Variants in CAMK4 observed in about 807,000 individuals in gnomAD.
CAMK4 encodes the protein calcium/calmodulin-dependent protein kinase type IV.
Under a neutral mutation model 44.9 loss-of-function variants are expected in CAMK4, and 22 were observed. The ratio of observed to expected loss-of-function variants is 0.49; its 90% CI spans 0.35 to 0.70. The LOEUF (loss-of-function observed/expected upper bound fraction) is 0.70, where lower values mean the gene tolerates loss of function less well. Ranked by LOEUF, CAMK4 falls within the 30% of genes least tolerant of loss-of-function variation. The pLI is 0.01. For missense variants in CAMK4, 498 were observed against 586.8 expected (o/e 0.85, Z 1.56); for synonymous variants, 218 against 215.4 (o/e 1.01, Z -0.11).
chr5:111,358,037 G>T (rs1046979485), intron 2 of CAMK4: 28 of 152,034 alleles, frequency 1.8e-4, no homozygotes, highest in African/African-American at 6.5e-4. Context: ...CCAGATTTGG[G>T]ACTAAAACTA....
chr5:111,258,710 A>T (rs1400481403), intron 1 of CAMK4, among the ~76,000 whole-genome samples: 1 of 151,082 alleles, frequency 6.6e-6, no homozygotes, highest in Non-Finnish European at 1.5e-5. Context: ...CAGCCAAATC[A>T]TATCACCATT....
At chr5:111,345,339 A>G (rs1025474685) in intron 2 of CAMK4, among the ~76,000 whole-genome samples, 4 of 151,954 alleles carry the variant, frequency 2.6e-5, no homozygotes, top group African/African-American at 9.7e-5. Context: ...GATTTAACTT[A>G]TTCCAGAATG....
At chr5:111,242,951 C>G (rs982255248) in intron 1 of CAMK4, among the ~76,000 whole-genome samples, 1 of 152,172 alleles carries the variant, frequency 6.6e-6, no homozygotes, top group African/African-American at 2.4e-5. Context: ...CAGCCTGATG[C>G]TCTCTCTGCC....
intron 1 of CAMK4, among the ~76,000 whole-genome samples, chr5:111,328,813 G>T (rs1749020589): frequency 6.6e-6 from 1 of 151,958 alleles, no homozygotes; most frequent in Non-Finnish European, 1.5e-5. Context: ...CTCTCTGTTT[G>T]TCTGTTATTG....
chr5:111,294,569 T>G (rs1747408379), intron 1 of CAMK4, among the ~76,000 whole-genome samples: 1 of 152,188 alleles, frequency 6.6e-6, no homozygotes, highest in Non-Finnish European at 1.5e-5. Flanking sequence ...ATTATTCAGT[T>G]CAAAAGCAAG....
chr5:111,314,834 T>G (rs1156529160), intron 1 of CAMK4, among the ~76,000 whole-genome samples: 2 of 152,086 alleles, frequency 1.3e-5, no homozygotes, highest in Non-Finnish European at 2.9e-5. Context: ...TTGTTTAAAA[T>G]AATCCAGAAA....
chr5:111,399,641 G>A (rs1290452855), intron 5 of CAMK4, among the ~76,000 whole-genome samples: 1 of 152,032 alleles, frequency 6.6e-6, no homozygotes, highest in Admixed American at 6.5e-5. Flanking sequence ...TTTTCTTTCT[G>A]GATAACGAGC....
intron 2 of CAMK4, among the ~76,000 whole-genome samples, chr5:111,349,377 A>G (rs971224994): frequency 3.3e-5 from 5 of 152,008 alleles, no homozygotes; most frequent in African/African-American, 1.2e-4. Flanking sequence ...ACTGTATGTG[A>G]TATTTGAAGT....
intron 7 of CAMK4, among the ~76,000 whole-genome samples, chr5:111,461,754 A>G (rs951051410): frequency 6.7e-6 from 1 of 148,902 alleles, no homozygotes; most frequent in Non-Finnish European, 1.5e-5. Flanking sequence ...GCTGGGCTCA[A>G]GATACAGTGG....
In CAMK4 at chr5:111,484,311, G is replaced by A; in HGVS notation, c.1267G>A (p.Asp423Asn). 2 of 1,614,058 alleles carry A rather than the reference G, an allele frequency of 1.2e-6. No individual in the cohort carries two copies. Among genetic ancestry groups the A allele is most frequent in the South Asian group, 1.1e-5 (1 of 91,070 alleles). ...APKMVPKAVE[D>N]GIKVADLELE... ...CAAAATGGTGCCCAAGGCAGTGGAG[G>A]ATGGGATAAAGGTGGCTGACCTGGA... The change falls in exon 11 of 11, where the codon GAT (aspartate) becomes AAT (asparagine). Residue 423 changes from aspartate to asparagine, a missense_variant. Transcript: ENST00000282356. This position sits in a 1 kb window ranked among gnomAD's most constrained non-coding sequence, Gnocchi z 5.3.
At chr5:111,396,371 C>T (rs1238224512) in intron 5 of CAMK4, among the ~76,000 whole-genome samples, 1 of 152,094 alleles carries the variant, frequency 6.6e-6, no homozygotes, top group African/African-American at 2.4e-5. Context: ...AATTCATCTT[C>T]TCACTGTACC....
At chr5:111,386,662 C>G (rs1281165969) in intron 4 of CAMK4, among the ~76,000 whole-genome samples, 1 of 152,192 alleles carries the variant, frequency 6.6e-6, no homozygotes, top group African/African-American at 2.4e-5. Context: ...TTTTTTCATC[C>G]TATAAATTTT....
intron 1 of CAMK4, among the ~76,000 whole-genome samples, chr5:111,333,735 G>A (rs899747140): frequency 6.6e-6 from 1 of 151,610 alleles, no homozygotes; most frequent in Non-Finnish European, 1.5e-5. Flanking sequence ...CACCAGGCAA[G>A]CAAGGTTTTG....
At chr5:111,274,559 T>C (rs963137912) in intron 1 of CAMK4, among the ~76,000 whole-genome samples, 2 of 152,206 alleles carry the variant, frequency 1.3e-5, no homozygotes, top group Non-Finnish European at 2.9e-5. Context: ...TCTTCTTATA[T>C]GTCTACATGC....
chr5:111,431,585 G>C (rs1319870372), intron 5 of CAMK4, among the ~76,000 whole-genome samples: 1 of 152,038 alleles, frequency 6.6e-6, no homozygotes, highest in Non-Finnish European at 1.5e-5. Context: ...CCCACAGAAT[G>C]GGAGAAAATA....
chr5:111,270,866 G>C (rs1475653233), intron 1 of CAMK4, among the ~76,000 whole-genome samples: 2 of 152,306 alleles, frequency 1.3e-5, no homozygotes, highest in East Asian at 3.9e-4. Context: ...TTATATCCAA[G>C]ATGGAGTAAT....
At chr5:111,465,073 A>C (rs919988397) in intron 7 of CAMK4, among the ~76,000 whole-genome samples, 3 of 152,096 alleles carry the variant, frequency 2.0e-5, no homozygotes. Flanking sequence ...ATCCATTCAC[A>C]ATTCCTAATT....
chr5:111,303,350 A>C (rs2112652625), intron 1 of CAMK4, among the ~76,000 whole-genome samples: 1 of 99,252 alleles, frequency 1.0e-5, no homozygotes, highest in South Asian at 4.2e-4. Context: ...ACTTTGAAAA[A>C]AATTTAGAAG....
chr5:111,436,518 T>G (rs144956785), intron 5 of CAMK4, among the ~76,000 whole-genome samples: 1 of 152,354 alleles, frequency 6.6e-6, no homozygotes, highest in East Asian at 1.9e-4. Flanking sequence ...AGCAAAATGA[T>G]GCTTCATTCT....
Sources: allele counts gnomAD v4.1 joint callset (sites outside exome capture counted in the v4.1 genomes callset), GRCh38; gene constraint gnomAD v4.1.1; non-coding constraint Gnocchi (gnomAD v3.1); transcripts MANE v1.5; gene names NCBI Gene and HGNC (gene_info 2026-07-23, HGNC 2026-07-21).